The following PYCR2 variants were observed in gnomAD, a reference collection of about 807,000 sequenced individuals.
PYCR2 encodes the protein P5C reductase 2.
A neutral mutation model predicts 23.4 loss-of-function variants in PYCR2; 17 were observed. The observed-to-expected ratio is 0.73, with a 90% CI of 0.50 to 1.09. PYCR2 has a LOEUF of 1.09. Among genes scored for constraint, PYCR2 ranks in the 50% least tolerant of loss-of-function variants. The probability of loss-of-function intolerance (pLI) is 0.00; values close to 1 mark genes in which losing one functional copy is unlikely to be tolerated. For synonymous variants in PYCR2, 172 were observed against 176.6 expected (o/e 0.97, Z 0.21); for missense variants, 380 against 423.5 (o/e 0.90, Z 0.90).
rs117063721 is a variant in PYCR2, at chr1:225,920,477, G to C, written c.941C>G (p.Ala314Gly). The change falls in exon 7 of 7, where the codon GCC becomes GGC. Residue 314 changes from alanine (A) to glycine (G), a missense_variant. By Grantham distance (60) the Ala-to-Gly change is moderately conservative. Transcript: ENST00000343818. Reference protein sequence around the residue: ...SPGKLLTRSLALGGKKD With the variant: ...SPGKLLTRSLGLGGKKD ...GCCTTAGTCCTTCTTGCCTCCCAGG[G>C]CCAGGCTTCTTGTGAGGAGCTTCCC... The C allele has an allele frequency of 6.3e-4, 924 of 1,467,138 alleles. 10 individuals are homozygous for C. The East Asian group carries it at 0.02, about 32-fold the overall frequency. The allele number at this position is 1,467,138 out of a possible 1,614,324, so 90.9% of individuals were successfully genotyped here. A position where few individuals can be genotyped will look rare whatever the true frequency, so the allele number is the denominator to read the frequency against.
At chr1:225,923,243 A>C (rs1332242171) in intron 2 of PYCR2, 2 of 259,336 alleles carry the variant, frequency 7.7e-6, no homozygotes, top group African/African-American at 4.6e-5. Flanking sequence ...TCTACCAAAA[A>C]TACAAAAATT....
In PYCR2 at chr1:225,922,353, T is replaced by C; in HGVS notation, c.169A>G (p.Lys57Glu). Residue 57 changes from lysine (K) to glutamate (E), a missense_variant, in exon 3 of 7, where the codon AAG becomes GAG. Transcript: ENST00000343818. The part of the protein sequence containing the change: ...KMGVNLTRSN[K>E]ETVKHSDVLF... ...ACGTCGCTGTGCTTCACCGTCTCCT[T>C]GTTGCTGCGTGTCAGGTTCACACCC... The C allele has an allele frequency of 3.1e-6, 5 of 1,613,940 alleles. No individual in the cohort carries two copies. Among genetic ancestry groups the C allele is most frequent in the Non-Finnish European group, 4.2e-6 (5 of 1,179,870 alleles).
intron 2 of PYCR2, 56 bp downstream of exon 2, chr1:225,923,645 A>T: frequency 6.2e-7 from 1 of 1,611,744 alleles, no homozygotes. Context: ...ACTTCATCTC[A>T]GGTCATCCTT....
chr1:225,922,569 T>A, intron 2 of PYCR2, 186 bp from the exon 3 acceptor site: 2 of 619,468 alleles, frequency 3.2e-6, no homozygotes, highest in Non-Finnish European at 5.6e-6. Flanking sequence ...ACTGGACAAG[T>A]AAGCACAGGC....
At position 225,921,294 on chromosome 1, in the gene PYCR2, G is replaced by T. The variant is rs148117976; in HGVS notation, c.711C>A (p.Ala237=). The T allele has an allele frequency of 1.1e-5, 18 of 1,604,084 alleles. No homozygotes were observed. In the African/African-American group the frequency reaches 2.1e-4, roughly 19 times the overall value. ...LKDNVCSPGG[A]TIHALHFLES... ...CTAGAAAGTGCAGGGCGTGGATGGT[G>T]GCTCCCCCAGGGGAGCAGACATTGT... The change falls in exon 6 of 7, where the codon GCC becomes GCA. Residue 237 remains alanine, a synonymous_variant. Transcript: ENST00000343818. This position sits in a 1 kb window ranked among gnomAD's most constrained non-coding sequence, Gnocchi z 4.2.
In PYCR2 at chr1:225,922,241, G is replaced by A. The variant is rs778283704; in HGVS notation, c.281C>T (p.Ser94Phe). The A allele has an allele frequency of 1.2e-6, 2 of 1,614,196 alleles. No homozygotes were observed. The highest frequency in any genetic ancestry group is 2.2e-5 in the East Asian group (1 of 44,892). ...GCTGATGGTGACACCAGCCGCACAG[G>A]AGACCACGATGTGTCTGGCTTGCAC... is the stretch of plus-strand genomic sequence containing the variant. ...ADVQARHIVVSCAAGVTISSV... is the reference protein window; with the variant it reads ...ADVQARHIVVFCAAGVTISSV... The change falls in exon 3 of 7, where the codon TCC becomes TTC. Residue 94 changes from serine (S) to phenylalanine (F), a missense_variant. Physicochemically the swap from Ser to Phe is radical, Grantham distance 155. Coordinates refer to ENST00000343818, the MANE Select transcript of PYCR2 (RefSeq NM_013328.4).
chr1:225,924,091 C>A lies in PYCR2; in HGVS notation c.20G>T (p.Gly7Val). 6.5e-7 allele frequency: 1 copy of A among 1,545,534 alleles called. No homozygotes were observed. Among genetic ancestry groups the A allele is most frequent in the East Asian group, 2.4e-5 (1 of 41,380 alleles). ...CAGAGCATAGGCCAGCTGGCCGGCC[C>A]CGATGAAGCCCACGCTCATGGTCCG... MSVGFI[G>V]AGQLAYALAR... The change falls in exon 1 of 7, where the codon GGG becomes GTG. Residue 7 changes from glycine to valine, a missense_variant. Gly to Val is a moderately radical substitution (Grantham distance 109). Transcript: ENST00000343818.
rs757294336 is a variant in PYCR2, at chr1:225,921,169, C to G, written c.797+39G>C. ...AACCCAGCCCAGGGACCAACCAGGA[C>G]TGAAGGGTCTGGGACAGAAGTCCGC... is the stretch of plus-strand genomic sequence containing the variant. On this transcript the variant is annotated intron_variant, in intron 6 of 6. Transcript: ENST00000343818. The surrounding 1 kb of genome is among the most constrained non-coding windows in gnomAD (Gnocchi z 4.2). The G allele has an allele frequency of 5.1e-6, 8 of 1,580,116 alleles. No homozygotes were observed. The highest frequency in any genetic ancestry group is 6.9e-6 in the Non-Finnish European group (8 of 1,158,448).
Position 225,920,499 on chromosome 1 carries a change from T to C in PYCR2, c.919A>G (p.Lys307Glu). The C allele has an allele frequency of 1.3e-6, 2 of 1,511,636 alleles. No homozygotes were observed. The highest frequency in any genetic ancestry group is 9.1e-7 in the Non-Finnish European group (1 of 1,102,968). 93.6% of individuals were successfully genotyped at this position (1,511,636 alleles called of 1,614,324 possible). ...AGGGCCAGGCTTCTTGTGAGGAGCT[T>C]CCCTGGGCTGGAGGGGGTCAGTGTG... ...VSTLTPSSPG[K>E]LLTRSLALGG... The change falls in exon 7 of 7, where the codon AAG (lysine) becomes GAG (glutamate). Residue 307 changes from lysine (K) to glutamate (E), a missense_variant. By Grantham distance (56) the Lys-to-Glu change is moderately conservative (BLOSUM62 1). Transcript: ENST00000343818.
At position 225,924,246 on chromosome 1, in the gene PYCR2, G is replaced by A. The variant is rs1016190255; in HGVS notation, c.-136C>T. ...GACCGGCGAGCTAACAGCAGCTTCT[G>A]GGATGGTGCAACCCTATTCTCCCCC... On this transcript the variant is annotated 5_prime_UTR_variant, in exon 1 of 7. Coordinates refer to ENST00000343818, the MANE Select transcript of PYCR2 (RefSeq NM_013328.4). 4.0e-6 allele frequency: 4 copies of A among 998,926 alleles called. No individual in the cohort carries two copies. The highest frequency in any genetic ancestry group is 3.3e-4 in the Middle Eastern group (1 of 3,072). The allele number at this position is 998,926 out of a possible 1,614,324, so 61.9% of individuals were successfully genotyped here.
Position 225,920,333 on chromosome 1 carries a change from T to C in PYCR2, c.*122A>G, listed in dbSNP as rs1671802202. On this transcript the variant is annotated 3_prime_UTR_variant, in exon 7 of 7. Transcript: ENST00000343818. Reference sequence around the variant, plus strand: ...TTATCACAAGGACCTGAAAACTTCCTAAGCATGCTTTCTCCTTGCACAGCT... The same window carrying C: ...TTATCACAAGGACCTGAAAACTTCCCAAGCATGCTTTCTCCTTGCACAGCT... The C allele has an allele frequency of 3.0e-6, 3 of 1,007,156 alleles. No individual in the cohort carries two copies. Among genetic ancestry groups the C allele is most frequent in the Non-Finnish European group, 4.1e-6 (3 of 732,034 alleles). The allele number at this position is 1,007,156 out of a possible 1,614,324, so 62.4% of individuals were successfully genotyped here. A position where few individuals can be genotyped will look rare whatever the true frequency, so the allele number is the denominator to read the frequency against.
At position 225,921,494 on chromosome 1, in the gene PYCR2, T is replaced by C. The variant is rs1379094841; in HGVS notation, c.633+58A>G. 6.3e-7 allele frequency: 1 copy of C among 1,597,500 alleles called. No individual in the cohort carries two copies. Among genetic ancestry groups the C allele is most frequent in the Non-Finnish European group, 8.6e-7 (1 of 1,165,402 alleles). ...ACCAACTCCCACCTCAGTTCAGTGA[T>C]GCACAAGAACCCCCATTCTACACCC... On this transcript the variant is annotated intron_variant, in intron 5 of 6. Coordinates refer to ENST00000343818, the MANE Select transcript of PYCR2 (RefSeq NM_013328.4). This position sits in a 1 kb window ranked among gnomAD's most constrained non-coding sequence, Gnocchi z 4.2.
chr1:225,922,413 C>A, intron 2 of PYCR2, 30 bp from the exon 3 acceptor site: 1 of 1,589,674 alleles, frequency 6.3e-7, no homozygotes, highest in South Asian at 1.1e-5. Context: ...GCTCACAGTG[C>A]TGGAGCAGCC....
rs760402179 is a variant in PYCR2, at chr1:225,922,398, T to C, written c.139-15A>G. ...ACACCCATCTTCTGCAAGAGGAGACTCCCAGCTCACAGTGCTGGAGCAGCC... is the reference window on the plus strand; with the variant it reads ...ACACCCATCTTCTGCAAGAGGAGACCCCCAGCTCACAGTGCTGGAGCAGCC... On this transcript the variant is annotated splice_polypyrimidine_tract_variant and intron_variant, in intron 2 of 6. Transcript: ENST00000343818. The C allele has an allele frequency of 6.2e-7, 1 of 1,603,120 alleles. No individual in the cohort carries two copies. The highest frequency in any genetic ancestry group is 1.1e-5 in the South Asian group (1 of 90,710).
intron 1 of PYCR2, 26 bp from the exon 2 acceptor site, chr1:225,923,797 A>G (rs748423176): frequency 2.5e-6 from 4 of 1,613,770 alleles, no homozygotes; most frequent in Non-Finnish European, 3.4e-6. Context: ...CTTTTCAACT[A>G]GGGGTCGCGG....
Position 225,921,839 on chromosome 1 carries a change from G to T in PYCR2, c.540+19C>A. On this transcript the variant is annotated intron_variant, in intron 4 of 6. Coordinates refer to ENST00000343818, the MANE Select transcript of PYCR2 (RefSeq NM_013328.4). The surrounding 1 kb of genome is among the most constrained non-coding windows in gnomAD (Gnocchi z 4.2). The stretch of plus-strand genomic sequence containing the variant: ...TGCCTGGGTTCCTAGAAGGCTGAGC[G>T]AGCAAATGAGGGCCTCACATAGGCA... 6.2e-7 allele frequency: 1 copy of T among 1,612,604 alleles called. No individual in the cohort carries two copies. The highest frequency in any genetic ancestry group is 8.5e-7 in the Non-Finnish European group (1 of 1,179,786).
rs1671917034 is a variant in PYCR2, at chr1:225,923,845, C to G, written c.68-74G>C. The G allele has an allele frequency of 1.9e-6, 3 of 1,594,640 alleles. No homozygotes were observed. The East Asian group carries it at 6.8e-5, about 36-fold the overall frequency. On this transcript the variant is annotated intron_variant, in intron 1 of 6. Transcript: ENST00000343818. Reference sequence around the variant, plus strand: ...CCACGCTTTCCCTGGCTCTAAAACCCAGAGCCGTCCTAACAGTGCCAGTCT... The same window carrying G: ...CCACGCTTTCCCTGGCTCTAAAACCGAGAGCCGTCCTAACAGTGCCAGTCT...
In PYCR2 at chr1:225,920,353, A is replaced by G; in HGVS notation, c.*102T>C. 8.8e-7 allele frequency: 1 copy of G among 1,134,838 alleles called. No individual in the cohort carries two copies. The highest frequency in any genetic ancestry group is 1.9e-5 in the South Asian group (1 of 51,564). The allele number at this position is 1,134,838 out of a possible 1,614,324, so 70.3% of individuals were successfully genotyped here. A position where few individuals can be genotyped will look rare whatever the true frequency, so the allele number is the denominator to read the frequency against. ...CTTCCTAAGCATGCTTTCTCCTTGC[A>G]CAGCTGAGGAGGGGCAATGGTGGGA... On this transcript the variant is annotated 3_prime_UTR_variant, in exon 7 of 7. Transcript: ENST00000343818.
chr1:225,923,319 G>A lies in PYCR2; in HGVS notation c.138+382C>T, dbSNP rs757417182. ...AGGCTGAGGTGGGAGGCTGAGGTGG[G>A]AGGCGGAGGTTACAGTGAGCTGAGA... On this transcript the variant is annotated intron_variant, in intron 2 of 6. Transcript: ENST00000343818. 200 of 420,810 alleles carry A rather than the reference G, an allele frequency of 4.8e-4. 3 individuals carry two copies. Among genetic ancestry groups the A allele is most frequent in the Admixed American group, 4.0e-4 (7 of 17,580 alleles). 26.1% of individuals were successfully genotyped at this position (420,810 alleles called of 1,614,324 possible). A position where few individuals can be genotyped will look rare whatever the true frequency, so the allele number is the denominator to read the frequency against.
Sources: gnomAD v4.1 joint callset for allele counts on GRCh38, gnomAD v4.1.1 for gene constraint, Gnocchi (gnomAD v3.1) non-coding constraint, MANE v1.5 for transcripts, NCBI Gene and HGNC (gene_info 2026-07-23, HGNC 2026-07-21) for gene names.